Variants in MYO7A observed in about 807,000 individuals in gnomAD.
The protein encoded by MYO7A is unconventional myosin-VIIa.
MYO7A carries 210 observed loss-of-function variants against 263.8 expected under a neutral mutation model. The observed-to-expected ratio is 0.80, with a 90% CI of 0.71 to 0.89. The LOEUF is 0.89. MYO7A is among the 40% of genes least tolerant of loss of function. MYO7A has a pLI of 0.00. For missense variants in MYO7A, 2,820 were observed against 2,968.3 expected (o/e 0.95, Z 1.16); for synonymous variants, 1,239 against 1,197.3 (o/e 1.03, Z -0.72).
At chr11:77,180,330 A>G (rs1555083281) in intron 21 of MYO7A, 44 bp from the exon 22 acceptor site, 2 of 1,549,996 alleles carry the variant, frequency 1.3e-6, no homozygotes, top group Admixed American at 1.8e-5. Context: ...CTGCAACAAC[A>G]GCTACACACA....
intron 18 of MYO7A, among the ~76,000 whole-genome samples, chr11:77,176,438 A>G (rs1555080103): frequency 6.6e-6 from 1 of 152,214 alleles, no homozygotes; most frequent in Non-Finnish European, 1.5e-5. Context: ...AGAAGGAAAT[A>G]TTATACCCAT....
rs10522799 is a variant in MYO7A, at chr11:77,181,767, GT to G, written c.2905-173del. 1.2e-3 allele frequency among the ~76,000 whole-genome samples: 170 copies of G among 138,272 alleles called. 1 individual carries two copies. In the East Asian group the frequency reaches 0.017, roughly 14 times the overall value. The allele number at this position is 138,272 out of a possible 152,430, so 90.7% of individuals were successfully genotyped here. A position where few individuals can be genotyped will look rare whatever the true frequency, so the allele number is the denominator to read the frequency against. Reference sequence around the variant, plus strand: ...TGTCCCTCTCCAACGCCCTTCTCAAGTTTTTTTTTTTGTTTTTTTTTTTTTT... The same window carrying G: ...TGTCCCTCTCCAACGCCCTTCTCAAGTTTTTTTTTTGTTTTTTTTTTTTTT... On this transcript the variant is annotated intron_variant, in intron 23 of 48. Coordinates refer to ENST00000409709, the MANE Select transcript of MYO7A (RefSeq NM_000260.4).
intron 18 of MYO7A, among the ~76,000 whole-genome samples, chr11:77,175,892 G>T (rs1306860316): frequency 1.3e-5 from 2 of 152,196 alleles, no homozygotes; most frequent in South Asian, 4.1e-4. Context: ...GCTGGGGTCC[G>T]CAGCATGCCA....
intron 12 of MYO7A, 49 bp downstream of exon 12, chr11:77,161,164 A>G: frequency 6.2e-7 from 1 of 1,608,368 alleles, no homozygotes; most frequent in Middle Eastern, 1.7e-4. Context: ...CAATATGGAA[A>G]TAAGAAATAT....
chr11:77,151,766 C>T (rs1225030328), intron 4 of MYO7A, among the ~76,000 whole-genome samples: 2 of 152,214 alleles, frequency 1.3e-5, no homozygotes, highest in Non-Finnish European at 2.9e-5. Flanking sequence ...CTTGGAGGAC[C>T]GATGGGCACA....
chr11:77,155,905 AG>A lies in MYO7A; in HGVS notation c.286-1del, dbSNP rs1555061361. ...GAGCTCCCCATCTCTTGCTGCCCGC[AG>A]ACGTATACGGGCTCCATCCTGGTGG... On this transcript the variant is annotated splice_acceptor_variant, in intron 4 of 48. Transcript: ENST00000409709. LOFTEE classifies it high-confidence loss of function. 6.3e-7 allele frequency: 1 copy of A among 1,589,198 alleles called. No individual in the cohort carries two copies. Among genetic ancestry groups the A allele is most frequent in the Non-Finnish European group, 8.6e-7 (1 of 1,164,360 alleles).
chr11:77,149,148 G>A (rs1555055774), intron 4 of MYO7A, among the ~76,000 whole-genome samples: 1 of 152,204 alleles, frequency 6.6e-6, no homozygotes, highest in Non-Finnish European at 1.5e-5. Context: ...CCGGGTCACT[G>A]CCTGCTTCTG....
At chr11:77,129,794 A>G (rs1055009030) in intron 1 of MYO7A, among the ~76,000 whole-genome samples, 1 of 152,234 alleles carries the variant, frequency 6.6e-6, no homozygotes, top group African/African-American at 2.4e-5. Flanking sequence ...TTCACTAGTC[A>G]AAATTTCAGG....
At chr11:77,152,664 G>A (rs12291915) in intron 4 of MYO7A, among the ~76,000 whole-genome samples, 38,405 of 151,700 alleles carry the variant, frequency 0.25, 4,954 homozygotes, top group East Asian at 0.43. Context: ...CGGCCGCTCA[G>A]CAAACGTTGC....
In MYO7A at chr11:77,206,486, CCT is replaced by C. The variant is rs369051387; in HGVS notation, c.5742+287_5742+288del. Among the ~76,000 whole-genome samples, 31 of 152,336 alleles carry C rather than the reference CCT, an allele frequency of 2.0e-4. No homozygotes were observed. The East Asian group carries it at 5.2e-3, about 26-fold the overall frequency. ...CTTGCCTTGGAGAAAAGCGCTTCTC[CCT>C]CTGAGCTGGCTTTGCACTGGCTTTG... On this transcript the variant is annotated intron_variant, in intron 41 of 48. Coordinates refer to ENST00000409709, the MANE Select transcript of MYO7A (RefSeq NM_000260.4).
chr11:77,180,894 T>TG (rs145467041), intron 22 of MYO7A, among the ~76,000 whole-genome samples: 1 of 152,174 alleles, frequency 6.6e-6, no homozygotes, highest in African/African-American at 2.4e-5. Context: ...GAAGATTTGG[T>TG]GGGGGAAAAA....
At chr11:77,149,613 T>C (rs1338655568) in intron 4 of MYO7A, among the ~76,000 whole-genome samples, 1 of 152,102 alleles carries the variant, frequency 6.6e-6, no homozygotes, top group Non-Finnish European at 1.5e-5. Flanking sequence ...TCAGGAGCCC[T>C]GGAATTACGG....
chr11:77,198,787 A>G (rs933495842), intron 34 of MYO7A, among the ~76,000 whole-genome samples, 166 bp downstream of exon 34: 1 of 152,138 alleles, frequency 6.6e-6, no homozygotes, highest in Non-Finnish European at 1.5e-5. Context: ...CTCCTAGTGG[A>G]GGGATGGGCT....
chr11:77,172,462 G>A (rs1157143646), intron 15 of MYO7A, among the ~76,000 whole-genome samples: 7 of 152,174 alleles, frequency 4.6e-5, no homozygotes, highest in African/African-American at 1.7e-4. Context: ...AGGTGCAGGG[G>A]CAGGCTTGAG....
At chr11:77,132,797 T>C (rs1950804174) in intron 2 of MYO7A, among the ~76,000 whole-genome samples, 1 of 152,176 alleles carries the variant, frequency 6.6e-6, no homozygotes. Flanking sequence ...GATAGAGGTT[T>C]TTAATCTGCA....
intron 26 of MYO7A, 53 bp from the exon 27 acceptor site, chr11:77,184,534 CT>C: frequency 6.7e-7 from 1 of 1,492,002 alleles, no homozygotes; most frequent in South Asian, 1.2e-5. Context: ...GGTGCCCTGG[CT>C]GGCAGGGGAA....
chr11:77,201,773 T>G (rs564606344), intron 36 of MYO7A, 135 bp downstream of exon 36: 51 of 1,060,480 alleles, frequency 4.8e-5, no homozygotes, highest in Non-Finnish European at 6.0e-5. Context: ...GGACACACAT[T>G]TAAAGTTGGG....
chr11:77,185,704 T>A (rs1454339359), intron 27 of MYO7A, among the ~76,000 whole-genome samples: 1 of 152,244 alleles, frequency 6.6e-6, no homozygotes, highest in African/African-American at 2.4e-5. Context: ...GAATCATGAA[T>A]GTTCTGAATG....
intron 48 of MYO7A, among the ~76,000 whole-genome samples, chr11:77,214,312 C>A (rs115042668): frequency 7.0e-4 from 106 of 152,314 alleles, no homozygotes; most frequent in African/African-American, 2.5e-3. Flanking sequence ...GCTCAAACTT[C>A]CAAGGCATAG....
Sources: gnomAD v4.1 joint callset for allele counts (sites outside exome capture counted in the v4.1 genomes callset) on GRCh38, gnomAD v4.1.1 for gene constraint, MANE v1.5 for transcripts, NCBI Gene and HGNC (gene_info 2026-07-23, HGNC 2026-07-21) for gene names.